Variants in ZBBX observed in about 807,000 individuals in gnomAD.
ZBBX encodes the protein zinc finger B-box domain-containing protein 1.
ZBBX carries 101 observed loss-of-function variants against 108.5 expected under a neutral mutation model. The ratio of observed to expected loss-of-function variants is 0.93; its 90% confidence interval spans 0.79 to 1.10. ZBBX has a LOEUF of 1.10. Among genes scored for constraint, ZBBX ranks in the 50% least tolerant of loss-of-function variants. ZBBX has a pLI of 0.00. For missense variants in ZBBX, 1,009 were observed against 941.4 expected (o/e 1.07, Z -0.94); for synonymous variants, 356 against 323.4 (o/e 1.10, Z -1.08).
intron 19 of ZBBX, 83 bp from the exon 20 acceptor site, chr3:167,282,578 C>A (rs1051055616): frequency 1.5e-5 from 18 of 1,201,400 alleles, no homozygotes; most frequent in South Asian, 7.6e-5. Flanking sequence ...CAGGTCCCTG[C>A]ACACAGAGAA....
intron 20 of ZBBX, among the ~76,000 whole-genome samples, chr3:167,247,418 C>T (rs1220784096): frequency 6.6e-6 from 1 of 152,104 alleles, no homozygotes; most frequent in Non-Finnish European, 1.5e-5. Context: ...TCCCCATCAG[C>T]GGAGAGCTAC....
chr3:167,236,354 C>T (rs1469821227), downstream of ZBBX, among the ~76,000 whole-genome samples: 2 of 151,724 alleles, frequency 1.3e-5, no homozygotes, highest in East Asian at 3.9e-4. Context: ...ATTTATTTAT[C>T]CAACATTAGT....
At chr3:167,338,541 CA>C (rs11438860) in intron 9 of ZBBX, among the ~76,000 whole-genome samples, 16 of 148,372 alleles carry the variant, frequency 1.1e-4, no homozygotes, top group Admixed American at 2.7e-4. Context: ...AGTTCCAGAT[CA>C]AAAAAAAAAA....
chr3:167,387,940 C>A (rs1250294316), intron 1 of ZBBX, among the ~76,000 whole-genome samples: 2 of 151,960 alleles, frequency 1.3e-5, no homozygotes, highest in East Asian at 3.9e-4. Context: ...TTCAAACATG[C>A]CATTGGATAC....
intron 6 of ZBBX, among the ~76,000 whole-genome samples, chr3:167,363,495 C>T (rs1289582557): frequency 1.3e-5 from 2 of 152,064 alleles, no homozygotes; most frequent in African/African-American, 4.8e-5. Context: ...TTTTCTTCCA[C>T]CTTTCTTGTC....
chr3:167,330,442 T>G (rs1242425749), intron 10 of ZBBX, among the ~76,000 whole-genome samples: 1 of 152,138 alleles, frequency 6.6e-6, no homozygotes, highest in Non-Finnish European at 1.5e-5. Flanking sequence ...TGATAACTAT[T>G]GTGGACTGAA....
At chr3:167,398,858 G>T (rs1052075818) in intron 1 of ZBBX, among the ~76,000 whole-genome samples, 5 of 151,858 alleles carry the variant, frequency 3.3e-5, no homozygotes, top group Non-Finnish European at 1.5e-5. Flanking sequence ...GAAGTGATTG[G>T]GTTATTAAGG....
chr3:167,181,429 C>G, the ZBBX span, among the ~76,000 whole-genome samples: 2 of 152,300 alleles, frequency 1.3e-5, no homozygotes, highest in South Asian at 4.1e-4. Flanking sequence ...AGGGGCTTTA[C>G]TAACTCCAAC....
chr3:167,292,463 C>T (rs1730870772), intron 18 of ZBBX, among the ~76,000 whole-genome samples: 1 of 152,032 alleles, frequency 6.6e-6, no homozygotes, highest in Non-Finnish European at 1.5e-5. Context: ...GGGTAAATAA[C>T]AAAATGAAGG....
chr3:167,284,694 C>A (rs939136778), intron 19 of ZBBX, among the ~76,000 whole-genome samples: 2 of 152,140 alleles, frequency 1.3e-5, no homozygotes, highest in African/African-American at 4.8e-5. Flanking sequence ...ACAGGTCAGA[C>A]TTATGCTTAG....
intron 16 of ZBBX, among the ~76,000 whole-genome samples, chr3:167,311,910 G>A (rs1734658944): frequency 6.6e-6 from 1 of 152,064 alleles, no homozygotes; most frequent in African/African-American, 2.4e-5. Flanking sequence ...TGTACCATAT[G>A]ATCCAATAGT....
intron 8 of ZBBX, among the ~76,000 whole-genome samples, chr3:167,354,898 G>A (rs1374871658): frequency 6.6e-6 from 1 of 151,932 alleles, no homozygotes; most frequent in African/African-American, 2.4e-5. Context: ...TGCAGAGTAA[G>A]CTTATATATT....
chr3:167,328,188 A>G, intron 10 of ZBBX, 72 bp from the exon 11 acceptor site: 5 of 1,462,970 alleles, frequency 3.4e-6, no homozygotes, highest in Non-Finnish European at 4.6e-6. Flanking sequence ...TTTTAATAAA[A>G]AAATTCTGTG....
the ZBBX span, among the ~76,000 whole-genome samples, chr3:167,229,676 A>G: frequency 1.3e-5 from 2 of 151,804 alleles, no homozygotes; most frequent in Non-Finnish European, 2.9e-5. Context: ...ACAAAATTAC[A>G]TCTTCTACCT....
Position 167,282,457 on chromosome 3 carries a change from GT to G in ZBBX, c.2034del (p.Leu679PhefsTer50). 6.2e-7 allele frequency: 1 copy of G among 1,613,366 alleles called. No homozygotes were observed. The highest frequency in any genetic ancestry group is 8.5e-7 in the Non-Finnish European group (1 of 1,179,688). The part of the protein sequence containing the change: ...KSQRPSTANF[P>X]LSNSVKESSS... Reference sequence around the variant, plus strand: ...GAGCTTTCTTTAACAGAGTTGGAAAGTGGAAAATTTGCTGTTGAAGGTCTCT... The same window carrying G: ...GAGCTTTCTTTAACAGAGTTGGAAAGGGAAAATTTGCTGTTGAAGGTCTCT... On this transcript the variant is annotated frameshift_variant, in exon 20 of 22. Transcript: ENST00000675490. LOFTEE classifies it high-confidence loss of function.
At chr3:167,384,965 T>C (rs1374159507), upstream of ZBBX, among the ~76,000 whole-genome samples, 2 of 152,002 alleles carry the variant, frequency 1.3e-5, no homozygotes, top group East Asian at 3.9e-4. Flanking sequence ...TATATATGGG[T>C]CCAGAGAAGG....
intron 20 of ZBBX, among the ~76,000 whole-genome samples, chr3:167,269,851 CA>C (rs1457442240): frequency 1.3e-5 from 2 of 152,142 alleles, no homozygotes; most frequent in Non-Finnish European, 2.9e-5. Flanking sequence ...ATTACTGTAA[CA>C]GACTCAAAGC....
intron 4 of ZBBX, among the ~76,000 whole-genome samples, chr3:167,371,753 G>C: frequency 6.6e-6 from 1 of 152,020 alleles, no homozygotes; most frequent in East Asian, 1.9e-4. Context: ...CAAATACATG[G>C]TATACCTAAA....
At chr3:167,375,904 C>T (rs774500986) in intron 2 of ZBBX, among the ~76,000 whole-genome samples, 10 of 152,168 alleles carry the variant, frequency 6.6e-5, no homozygotes, top group Non-Finnish European at 4.4e-5. Flanking sequence ...TTTGTACCTT[C>T]AATCCACAAA....
Sources: gnomAD v4.1 joint callset for allele counts (sites outside exome capture counted in the v4.1 genomes callset) on GRCh38, gnomAD v4.1.1 for gene constraint, MANE v1.5 for transcripts, NCBI Gene and HGNC (gene_info 2026-07-23, HGNC 2026-07-21) for gene names.